Variants in DPYSL2 observed in about 807,000 individuals in gnomAD.
DPYSL2 encodes the protein dihydropyrimidinase like 2, also known as dihydropyrimidinase-related protein 2.
In DPYSL2, 13 loss-of-function variants were observed where a neutral mutation model predicts 69.9. The ratio of observed to expected loss-of-function variants is 0.19; its 90% CI spans 0.12 to 0.30. The LOEUF (loss-of-function observed/expected upper bound fraction) is 0.30, where lower values mean the gene tolerates loss of function less well. Among genes scored for constraint, DPYSL2 ranks in the 10% least tolerant of loss-of-function variants. The pLI is 1.00. For missense variants in DPYSL2, 587 were observed against 918.9 expected, an observed-to-expected ratio of 0.64 and a Z score of 4.67; for synonymous variants, 326 against 359.1, an observed-to-expected ratio of 0.91 and a Z score of 1.04.
chr8:26,525,743 A>G lies in DPYSL2; in HGVS notation c.354+11064A>G, dbSNP rs191058022. On this transcript the variant is annotated intron_variant, in intron 1 of 13. Transcript: ENST00000521913. ...TTCATTGATCCAGTTTACTAAATCC[A>G]CGGTGGTTCAATACTGCTTTAGTTA... Among the ~76,000 whole-genome samples the G allele has an allele frequency of 3.0e-3, 457 of 152,276 alleles. 2 individuals carry two copies. Among genetic ancestry groups the G allele is most frequent in the Middle Eastern group, 0.02 (6 of 294 alleles).
chr8:26,576,178 TAG>T (rs1312737563), intron 1 of DPYSL2, among the ~76,000 whole-genome samples: 2 of 152,338 alleles, frequency 1.3e-5, no homozygotes, highest in African/African-American at 2.4e-5. Context: ...TTCAGATTTT[TAG>T]AGATATAGGA....
In DPYSL2 at chr8:26,514,932, G is replaced by A. The variant is rs550196283; in HGVS notation, c.354+253G>A. On this transcript the variant is annotated intron_variant, in intron 1 of 13. Coordinates refer to ENST00000521913, the MANE Select transcript of DPYSL2 (RefSeq NM_001197293.3). This position sits in a 1 kb window ranked among gnomAD's most constrained non-coding sequence, Gnocchi z 8.4. ...TTGAGAGGTGGGGCGTGGGCATAGG[G>A]AATGGGCTGATCCCCTGCTGGGGCG... Among the ~76,000 whole-genome samples, 2 of 152,362 alleles carry A rather than the reference G, an allele frequency of 1.3e-5. No homozygotes were observed. The highest frequency in any genetic ancestry group is 2.1e-4 in the South Asian group (1 of 4,834).
Position 26,514,217 on chromosome 8 carries a change from G to T in DPYSL2, c.-109G>T. 1 of 1,033,672 alleles carries T rather than the reference G, an allele frequency of 9.7e-7. No individual in the cohort carries two copies. Among genetic ancestry groups the T allele is most frequent in the Non-Finnish European group, 1.3e-6 (1 of 770,520 alleles). The allele number at this position is 1,033,672 out of a possible 1,614,324, so 64.0% of individuals were successfully genotyped here. A position where few individuals can be genotyped will look rare whatever the true frequency, so the allele number is the denominator to read the frequency against. ...TTCTGTGCACCTTGCGGTGGGCGGC[G>T]AACGGCAGCCGCGGCAGCAGCTAGG... On this transcript the variant is annotated 5_prime_UTR_variant, in exon 1 of 14. Transcript: ENST00000521913. This position sits in a 1 kb window ranked among gnomAD's most constrained non-coding sequence, Gnocchi z 8.4.
chr8:26,537,487 C>T (rs1800611389), intron 1 of DPYSL2, among the ~76,000 whole-genome samples: 1 of 152,014 alleles, frequency 6.6e-6, no homozygotes, highest in Non-Finnish European at 1.5e-5. Flanking sequence ...TAAAAACTAT[C>T]TTTTGGAGAA....
intron 3 of DPYSL2, among the ~76,000 whole-genome samples, chr8:26,589,251 A>T (rs1051428875): frequency 3.9e-5 from 6 of 152,146 alleles, no homozygotes; most frequent in Non-Finnish European, 5.9e-5. Flanking sequence ...GGTGCTTCCC[A>T]TTCACTGATC....
chr8:26,523,996 T>C (rs1476646609), intron 1 of DPYSL2, among the ~76,000 whole-genome samples: 2 of 152,252 alleles, frequency 1.3e-5, no homozygotes, highest in Non-Finnish European at 2.9e-5. Flanking sequence ...TATGCAAATA[T>C]CTATCTGAGA....
At chr8:26,577,778 A>T in intron 1 of DPYSL2, 2 of 990,096 alleles carry the variant, frequency 2.0e-6, no homozygotes, top group Non-Finnish European at 2.4e-6. Flanking sequence ...TCACTGCCGC[A>T]TTTCGCGCTC....
rs1221856084 is a variant in DPYSL2 at position 26,591,595 on chromosome 8, G to A, written c.628+7612G>A. Among the ~76,000 whole-genome samples, 2 of 152,182 alleles carry A rather than the reference G, an allele frequency of 1.3e-5. No individual in the cohort carries two copies. Among genetic ancestry groups the A allele is most frequent in the East Asian group, 3.9e-4 (2 of 5,194 alleles). The stretch of plus-strand genomic sequence containing the variant: ...CCCGTTACTCCTTCTACTCATGATA[G>A]CTTTAGCATTGTTGTCCCGGGGCAA... On this transcript the variant is annotated intron_variant, in intron 3 of 13. Transcript: ENST00000521913. The surrounding 1 kb of genome is among the most constrained non-coding windows in gnomAD (Gnocchi z 5.8).
rs1406406456 is a variant in DPYSL2, at chr8:26,620,597, C to T, written c.629-3546C>T. Among the ~76,000 whole-genome samples the T allele has an allele frequency of 2.0e-5, 3 of 151,978 alleles. No individual in the cohort carries two copies. The highest frequency in any genetic ancestry group is 2.9e-5 in the Non-Finnish European group (2 of 68,026). ...GCCCAGGAACAGAACCTGGTATTGTCTCTCTGTAAAGTATGAGTGAATTTA... is the reference window on the plus strand; with the variant it reads ...GCCCAGGAACAGAACCTGGTATTGTTTCTCTGTAAAGTATGAGTGAATTTA... On this transcript the variant is annotated intron_variant, in intron 3 of 13. Transcript: ENST00000521913. This position sits in a 1 kb window ranked among gnomAD's most constrained non-coding sequence, Gnocchi z 4.5.
In DPYSL2 at chr8:26,514,592, C is replaced by T; in HGVS notation, c.267C>T (p.Ala89=). 3 of 1,505,990 alleles carry T rather than the reference C, an allele frequency of 2.0e-6. No homozygotes were observed. Among genetic ancestry groups the T allele is most frequent in the Non-Finnish European group, 2.6e-6 (3 of 1,133,356 alleles). The allele number at this position is 1,505,990 out of a possible 1,614,324, so 93.3% of individuals were successfully genotyped here. A position where few individuals can be genotyped will look rare whatever the true frequency, so the allele number is the denominator to read the frequency against. Residue 89 remains alanine (A), a synonymous_variant, in exon 1 of 14, where the codon GCC becomes GCT. Coordinates refer to ENST00000521913, the MANE Select transcript of DPYSL2 (RefSeq NM_001197293.3). The surrounding 1 kb of genome is among the most constrained non-coding windows in gnomAD (Gnocchi z 8.4). The stretch of plus-strand genomic sequence containing the variant: ...CGTACTCGCGGCAGGGCCGGCGCGC[C>T]GGCGGAGAGCCATCTGTTGAATCGG... The part of the protein sequence containing the change: ...QPPYSRQGRR[A]GGEPSVESGR...
rs1397950600 is a variant in DPYSL2, at chr8:26,516,219, C to T, written c.354+1540C>T. On this transcript the variant is annotated intron_variant, in intron 1 of 13. Coordinates refer to ENST00000521913, the MANE Select transcript of DPYSL2 (RefSeq NM_001197293.3). The surrounding 1 kb of genome is among the most constrained non-coding windows in gnomAD (Gnocchi z 4.8). ...ATGAGTCAACCAGAAGAAACTAAAT[C>T]CAAAAAACTTGCTTTGTTCCAAGTG... 1.3e-5 allele frequency among the ~76,000 whole-genome samples: 2 copies of T among 152,112 alleles called. No individual in the cohort carries two copies. The highest frequency in any genetic ancestry group is 6.6e-5 in the Admixed American group (1 of 15,262).
chr8:26,613,835 T>C (rs1195093082), intron 3 of DPYSL2, among the ~76,000 whole-genome samples: 2 of 152,014 alleles, frequency 1.3e-5, no homozygotes, highest in Non-Finnish European at 2.9e-5. Flanking sequence ...CAAGTGAGCA[T>C]TGAATATGAG....
intron 1 of DPYSL2, among the ~76,000 whole-genome samples, chr8:26,559,354 A>C (rs1037927762): frequency 1.3e-5 from 2 of 152,242 alleles, no homozygotes; most frequent in African/African-American, 4.8e-5. Flanking sequence ...AATTATGCAC[A>C]TTAAAAATTT....
intron 1 of DPYSL2, among the ~76,000 whole-genome samples, chr8:26,515,622 A>T (rs1259333680): frequency 6.6e-6 from 1 of 152,260 alleles, no homozygotes; most frequent in Admixed American, 6.5e-5. Flanking sequence ...TCAGCGCAGT[A>T]ATAATCTCAC....
chr8:26,557,642 A>AAAAAAAG (rs1801011397), intron 1 of DPYSL2, among the ~76,000 whole-genome samples: 1 of 150,000 alleles, frequency 6.7e-6, no homozygotes, highest in African/African-American at 2.4e-5. Context: ...AAAAAAAAAA[A>AAAAAAAG]GCCAGGCATT....
At chr8:26,607,896 G>A (rs1802141211) in intron 3 of DPYSL2, among the ~76,000 whole-genome samples, 1 of 151,904 alleles carries the variant, frequency 6.6e-6, no homozygotes, top group Non-Finnish European at 1.5e-5. Flanking sequence ...TGGCTAACAC[G>A]GTGAAACCCT....
chr8:26,522,279 G>C (rs61473350), intron 1 of DPYSL2, among the ~76,000 whole-genome samples: 2,910 of 151,986 alleles, frequency 0.019, 82 homozygotes, highest in African/African-American at 0.064. Context: ...CTGCACTCCA[G>C]CCTGGGCAAC....
At chr8:26,573,111 T>C (rs1258141722) in intron 1 of DPYSL2, among the ~76,000 whole-genome samples, 1 of 152,220 alleles carries the variant, frequency 6.6e-6, no homozygotes, top group Non-Finnish European at 1.5e-5. Context: ...GAGGCGGAGC[T>C]TAAAATCTAG....
intron 1 of DPYSL2, among the ~76,000 whole-genome samples, chr8:26,570,741 G>GAAAAAA (rs572040580): frequency 1.6e-4 from 17 of 108,262 alleles, no homozygotes; most frequent in Non-Finnish European, 2.2e-4. Context: ...CTTAGAAAAG[G>GAAAAAA]AAAAAAAAAA....
Sources: allele counts gnomAD v4.1 joint callset (sites outside exome capture counted in the v4.1 genomes callset), GRCh38; gene constraint gnomAD v4.1.1; non-coding constraint Gnocchi (gnomAD v3.1); transcripts MANE v1.5; gene names NCBI Gene and HGNC (gene_info 2026-07-23, HGNC 2026-07-21).